Variants in LSM5 observed in about 807,000 individuals in gnomAD.
The protein encoded by LSM5 is LSM5 homolog, U6 small nuclear RNA and mRNA degradation associated.
LSM5 carries 8 observed loss-of-function variants against 13.8 expected under a neutral mutation model. The ratio of observed to expected loss-of-function variants is 0.58; its 90% CI spans 0.34 to 1.04. The LOEUF (loss-of-function observed/expected upper bound fraction) is 1.04, where lower values mean the gene tolerates loss of function less well. Ranked by LOEUF, LSM5 falls within the 50% of genes least tolerant of loss-of-function variation. The pLI is 0.03. For synonymous variants in LSM5, 35 were observed against 37.0 expected, an observed-to-expected ratio of 0.95 and a Z score of 0.20; for missense variants, 80 against 108.1, an observed-to-expected ratio of 0.74 and a Z score of 1.15.
At chr7:32,490,460 C>G, upstream of LSM5, 11 of 1,046,178 alleles carry the variant, frequency 1.1e-5, no homozygotes, top group Non-Finnish European at 1.5e-5. Flanking sequence ...CTCGACCAAT[C>G]TGAGGCCGAG....
intron 1 of LSM5, chr7:32,490,022 T>C: frequency 3.7e-6 from 5 of 1,359,750 alleles, no homozygotes; most frequent in Non-Finnish European, 4.8e-6. Flanking sequence ...GTAGGCCTAC[T>C]ACCTATAACA....
In LSM5 at chr7:32,486,851, C is replaced by T. The variant is rs879578158; in HGVS notation, c.*410G>A. On this transcript the variant is annotated 3_prime_UTR_variant, in exon 5 of 5. Coordinates refer to ENST00000450169, the MANE Select transcript of LSM5 (RefSeq NM_012322.3). ...ATTGAATTTTCTAAGTGATCATTTC[C>T]GGTTGTTTAAATGCACCTGTTCAAA... 42 of 186,466 alleles carry T rather than the reference C, an allele frequency of 2.3e-4. No individual in the cohort carries two copies. Among genetic ancestry groups the T allele is most frequent in the Middle Eastern group, 4.6e-3 (2 of 434 alleles). The allele number at this position is 186,466 out of a possible 1,614,324, so 11.6% of individuals were successfully genotyped here. A position where few individuals can be genotyped will look rare whatever the true frequency, so the allele number is the denominator to read the frequency against.
rs896204609 is a variant in LSM5 at position 32,486,946 on chromosome 7, A to G, written c.*315T>C. On this transcript the variant is annotated 3_prime_UTR_variant, in exon 5 of 5. Transcript: ENST00000450169. ...AAATGGTCACGTAAATGACAAAACA[A>G]ATAAGCATATAATGACAGAAAAGTA... The G allele has an allele frequency of 3.0e-6, 1 of 328,516 alleles. No homozygotes were observed. The highest frequency in any genetic ancestry group is 5.5e-6 in the Non-Finnish European group (1 of 182,924). The allele number at this position is 328,516 out of a possible 1,614,324, so 20.4% of individuals were successfully genotyped here.
rs752154315 is a variant in LSM5 at position 32,487,239 on chromosome 7, A to G, written c.*22T>C. ...GTCATTATAAGCCAAAACAAAATCT[A>G]GTGTAAGTCAAGGAAACTCATTCAC... On this transcript the variant is annotated 3_prime_UTR_variant, in exon 5 of 5. Transcript: ENST00000450169. The G allele has an allele frequency of 5.6e-6, 9 of 1,610,398 alleles. No individual in the cohort carries two copies. In the East Asian group the frequency reaches 2.0e-4, roughly 36 times the overall value.
rs368477557 is a variant in LSM5 at position 32,488,967 on chromosome 7, C to T, written c.142+282G>A. 2.1e-4 allele frequency among the ~76,000 whole-genome samples: 32 copies of T among 151,946 alleles called. No homozygotes were observed. The South Asian group carries it at 6.2e-3, about 30-fold the overall frequency. On this transcript the variant is annotated intron_variant, in intron 2 of 4. Transcript: ENST00000450169. ...CTCAAACTCCTGGGCTCAAGCGATC[C>T]ACCCACCTCGCCCTCCCAAAGCGCT...
At chr7:32,490,671 G>A, upstream of LSM5, 1 of 414,224 alleles carries the variant, frequency 2.4e-6, no homozygotes, top group Non-Finnish European at 4.7e-6. Context: ...TTCTTCCCCC[G>A]TAAAGTTGCA....
chr7:32,487,640 A>G, intron 4 of LSM5, 45 bp downstream of exon 4: 1 of 1,054,452 alleles, frequency 9.5e-7, no homozygotes, highest in East Asian at 2.4e-5. Flanking sequence ...ACTGCTCCCC[A>G]AAAATGGGCT....
At chr7:32,490,435 C>T, upstream of LSM5, 3 of 1,353,362 alleles carry the variant, frequency 2.2e-6, no homozygotes, top group Non-Finnish European at 3.2e-6. Flanking sequence ...CCGCTTTTTC[C>T]GCAGCCCAAA....
At chr7:32,490,276 G>A in intron 1 of LSM5, 44 bp downstream of exon 1, 1 of 1,614,150 alleles carries the variant, frequency 6.2e-7, no homozygotes, top group Non-Finnish European at 8.5e-7. Context: ...CCCCAATCCT[G>A]AATGTCAGCT....
At chr7:32,487,396 C>G in intron 4 of LSM5, 103 bp from the exon 5 acceptor site, 1 of 887,268 alleles carries the variant, frequency 1.1e-6, no homozygotes, top group Non-Finnish European at 1.8e-6. Context: ...CTGCACTCCA[C>G]GTTCCCATTT....
At chr7:32,495,217 T>C (rs10245103), upstream of LSM5, 1 of 153,788 alleles carries the variant, frequency 6.5e-6, no homozygotes, top group Non-Finnish European at 1.4e-5. Flanking sequence ...AAAGCAGGTG[T>C]GCCACGCCGC....
At chr7:32,488,510 T>A (rs1349718160) in intron 3 of LSM5, 115 bp downstream of exon 3, 1 of 752,564 alleles carries the variant, frequency 1.3e-6, no homozygotes, top group African/African-American at 1.8e-5. Context: ...AAAACGTCTA[T>A]CTTTAACGTT....
chr7:32,494,178 AGCCAT>A (rs1786669720), upstream of LSM5, among the ~76,000 whole-genome samples: 1 of 152,246 alleles, frequency 6.6e-6, no homozygotes, highest in Admixed American at 6.5e-5. Context: ...CAGTAATTTT[AGCCAT>A]GCCAATTGTG....
At chr7:32,492,445 C>G (rs190973175), upstream of LSM5, among the ~76,000 whole-genome samples, 90 of 152,194 alleles carry the variant, frequency 5.9e-4, 2 homozygotes, top group East Asian at 0.016. Context: ...ATCGCTTGAA[C>G]CTGGGAGGCA....
chr7:32,494,306 G>A (rs1786677632), upstream of LSM5, among the ~76,000 whole-genome samples: 2 of 152,186 alleles, frequency 1.3e-5, no homozygotes, highest in Admixed American at 1.3e-4. Flanking sequence ...TCTGCATACA[G>A]GGAGCAATAT....
intron 1 of LSM5, chr7:32,489,547 A>G (rs565734599): frequency 5.9e-6 from 3 of 509,294 alleles, no homozygotes; most frequent in Middle Eastern, 5.3e-4. Context: ...GGCATGAAGG[A>G]ATGAAAACTT....
upstream of LSM5, among the ~76,000 whole-genome samples, chr7:32,491,368 G>A (rs1040967381): frequency 7.4e-5 from 9 of 122,104 alleles, no homozygotes; most frequent in Admixed American, 2.3e-4. Context: ...CTGCACTCCA[G>A]CCTGAACAAC....
upstream of LSM5, chr7:32,490,846 C>G (rs145097474): frequency 5.3e-4 from 92 of 174,936 alleles, no homozygotes; most frequent in East Asian, 0.014. Flanking sequence ...TAAAATTTTT[C>G]TTTAGTGAGG....
intron 4 of LSM5, 60 bp downstream of exon 4, chr7:32,487,625 T>C (rs2128105812): frequency 3.3e-6 from 3 of 901,160 alleles, no homozygotes; most frequent in South Asian, 1.3e-5. Context: ...GTTAGTTCTG[T>C]AATCACTGCT....
Sources: gnomAD v4.1 joint callset for allele counts (sites outside exome capture counted in the v4.1 genomes callset) on GRCh38, gnomAD v4.1.1 for gene constraint, MANE v1.5 for transcripts, NCBI Gene and HGNC (gene_info 2026-07-23, HGNC 2026-07-21) for gene names.